HSPA4: variants seen among roughly 807,000 people sequenced by gnomAD.
HSPA4 encodes the protein heat shock 70 kDa protein 4.
Under a neutral mutation model 106.2 loss-of-function variants are expected in HSPA4, and 25 were observed. The ratio of observed to expected loss-of-function variants is 0.24; its 90% CI spans 0.17 to 0.33. The LOEUF is 0.33. Among genes scored for constraint, HSPA4 ranks in the 10% least tolerant of loss-of-function variants. The pLI, the probability that HSPA4 is intolerant of heterozygous loss-of-function variation, is 1.00. For missense variants in HSPA4, 841 were observed against 996.0 expected (o/e 0.84, Z 2.10); for synonymous variants, 332 against 333.6 (o/e 1.00, Z 0.05).
intron 12 of HSPA4, 77 bp from the exon 13 acceptor site, chr5:133,092,623 C>A: frequency 2.1e-6 from 2 of 950,556 alleles, no homozygotes; most frequent in African/African-American, 1.6e-5. Context: ...AATTACATAA[C>A]TATGTGACTT....
chr5:133,074,176 G>A (rs958355620), intron 6 of HSPA4, 50 bp downstream of exon 6: 8 of 1,224,468 alleles, frequency 6.5e-6, no homozygotes, highest in Non-Finnish European at 9.1e-6. Flanking sequence ...TGGTAATTAT[G>A]AAATTTTGAG....
chr5:133,104,098 G>A, intron 18 of HSPA4, 72 bp downstream of exon 18: 1 of 1,438,502 alleles, frequency 7.0e-7, no homozygotes, highest in South Asian at 1.2e-5. Context: ...GTGACACTTA[G>A]GAGGGAACTT....
intron 1 of HSPA4, among the ~76,000 whole-genome samples, chr5:133,059,219 G>A (rs879887762): frequency 9.2e-5 from 14 of 151,502 alleles, no homozygotes; most frequent in Non-Finnish European, 1.6e-4. Flanking sequence ...AGGCCAAGGC[G>A]GGCGGTTCGC....
intron 9 of HSPA4, among the ~76,000 whole-genome samples, chr5:133,088,765 C>T (rs895123630): frequency 1.3e-5 from 2 of 152,094 alleles, no homozygotes; most frequent in African/African-American, 4.8e-5. Context: ...ACATAGGTAA[C>T]TCTGAGCCTG....
chr5:133,062,625 T>A (rs1408213154), intron 1 of HSPA4, among the ~76,000 whole-genome samples: 1 of 152,216 alleles, frequency 6.6e-6, no homozygotes, highest in Admixed American at 6.5e-5. Flanking sequence ...TTTTAGTGAT[T>A]GGTGGCATAG....
At chr5:133,060,048 A>G (rs73262587) in intron 1 of HSPA4, among the ~76,000 whole-genome samples, 3,379 of 146,992 alleles carry the variant, frequency 0.023, 124 homozygotes, top group African/African-American at 0.078. Context: ...AAGCAAACTG[A>G]TTGTGGTATA....
rs1214306826 is a variant in HSPA4 at position 133,071,350 on chromosome 5, A to G, written c.429+854A>G. On this transcript the variant is annotated intron_variant, in intron 4 of 18. Coordinates refer to ENST00000304858, the MANE Select transcript of HSPA4 (RefSeq NM_002154.4). ...GTGGCACACACCTGTAGTCCCAGCT[A>G]CTTGGGAGGCTCATTCGAGCCCAGG... is the stretch of plus-strand genomic sequence containing the variant. Among the ~76,000 whole-genome samples, 4 of 151,176 alleles carry G rather than the reference A, an allele frequency of 2.6e-5. 1 individual carries two copies. Among genetic ancestry groups the G allele is most frequent in the South Asian group, 2.1e-4 (1 of 4,804 alleles).
chr5:133,074,307 T>G (rs72801456), intron 6 of HSPA4, among the ~76,000 whole-genome samples, 181 bp downstream of exon 6: 30,850 of 150,872 alleles, frequency 0.2, 3,321 homozygotes, highest in South Asian at 0.26. Flanking sequence ...AGATAGAGTT[T>G]CGCTCTTGTT....
chr5:133,072,638 A>G (rs1325762534), intron 4 of HSPA4, among the ~76,000 whole-genome samples: 1 of 149,738 alleles, frequency 6.7e-6, no homozygotes. Context: ...AACTCGTGAC[A>G]TCAGGTGATC....
chr5:133,060,528 A>G (rs1272993693), intron 1 of HSPA4, among the ~76,000 whole-genome samples: 2 of 151,936 alleles, frequency 1.3e-5, no homozygotes, highest in Admixed American at 1.3e-4. Context: ...ATGCCTGGCT[A>G]ATTTTTGTAT....
At chr5:133,084,747 G>A (rs1765556918) in intron 7 of HSPA4, among the ~76,000 whole-genome samples, 1 of 152,104 alleles carries the variant, frequency 6.6e-6, no homozygotes, top group African/African-American at 2.4e-5. Context: ...TGAGTTTACA[G>A]GCATGAGCCA....
At position 133,103,996 on chromosome 5, in the gene HSPA4, C is replaced by A. The variant is rs1765823217; in HGVS notation, c.2289C>A (p.Val763=). ...NKQSLTMDPV[V]KSKEIEAKIK... Reference sequence around the variant, plus strand: ...AGAGTTTGACCATGGATCCAGTTGTCAAGTCAAAAGAGATTGAAGCTAAAA... The same window carrying A: ...AGAGTTTGACCATGGATCCAGTTGTAAAGTCAAAAGAGATTGAAGCTAAAA... The change falls in exon 18 of 19, where the codon GTC becomes GTA. Residue 763 remains valine, a synonymous_variant. Coordinates refer to ENST00000304858, the MANE Select transcript of HSPA4 (RefSeq NM_002154.4). The A allele has an allele frequency of 6.2e-7, 1 of 1,612,916 alleles. No individual in the cohort carries two copies. Among genetic ancestry groups the A allele is most frequent in the African/African-American group, 1.3e-5 (1 of 74,932 alleles).
In HSPA4 at chr5:133,052,282, A is replaced by G. The variant is rs781591352; in HGVS notation, c.32A>G (p.Gln11Arg). MSVVGIDLGF[Q>R]SCYVAVARAG... ...GTGGTGGGCATAGACCTGGGCTTCCAGAGCTGCTACGTCGCTGTGGCCCGC... is the reference window on the plus strand; with the variant it reads ...GTGGTGGGCATAGACCTGGGCTTCCGGAGCTGCTACGTCGCTGTGGCCCGC... The change falls in exon 1 of 19, where the codon CAG becomes CGG. Residue 11 changes from glutamine (Q) to arginine (R), a missense_variant. Gln to Arg is a conservative substitution (Grantham distance 43). Coordinates refer to ENST00000304858, the MANE Select transcript of HSPA4 (RefSeq NM_002154.4). 3.1e-6 allele frequency: 5 copies of G among 1,597,614 alleles called. No homozygotes were observed. Among genetic ancestry groups the G allele is most frequent in the African/African-American group, 2.7e-5 (2 of 74,650 alleles).
chr5:133,088,322 C>G, intron 8 of HSPA4, 82 bp from the exon 9 acceptor site: 1 of 980,634 alleles, frequency 1.0e-6, no homozygotes, highest in Non-Finnish European at 1.5e-6. Context: ...AGTTTTGTTA[C>G]ACATCTGAGT....
intron 14 of HSPA4, 141 bp from the exon 15 acceptor site, chr5:133,097,020 C>T: frequency 1.8e-6 from 1 of 541,320 alleles, no homozygotes. Context: ...AAGGATTAGT[C>T]TTCCCACTTA....
At chr5:133,052,493 A>G (rs1765093969) in intron 1 of HSPA4, 136 bp downstream of exon 1, 1 of 605,192 alleles carries the variant, frequency 1.7e-6, no homozygotes, top group Admixed American at 3.1e-5. Context: ...TAGGTCAGGG[A>G]CCCCCAGTAG....
chr5:133,098,994 A>T (rs1367035824), intron 15 of HSPA4, among the ~76,000 whole-genome samples: 3 of 151,978 alleles, frequency 2.0e-5, no homozygotes, highest in Non-Finnish European at 1.5e-5. Context: ...TGCAGTTTTT[A>T]TTCTGAAATT....
chr5:133,088,208 T>C (rs2126710288), intron 8 of HSPA4, among the ~76,000 whole-genome samples, 196 bp from the exon 9 acceptor site: 1 of 152,266 alleles, frequency 6.6e-6, no homozygotes, highest in South Asian at 2.1e-4. Context: ...CTTCCCCCAT[T>C]ATTTTGAGAA....
chr5:133,052,422 AC>A, intron 1 of HSPA4, 65 bp downstream of exon 1: 1 of 1,117,670 alleles, frequency 8.9e-7, no homozygotes, highest in Non-Finnish European at 1.2e-6. Flanking sequence ...CCAGTCTGGG[AC>A]CCTCGCTGCT....
Sources: allele counts gnomAD v4.1 joint callset (sites outside exome capture counted in the v4.1 genomes callset), GRCh38; gene constraint gnomAD v4.1.1; transcripts MANE v1.5; gene names NCBI Gene and HGNC (gene_info 2026-07-23, HGNC 2026-07-21).